Variants in PTPRG observed in about 807,000 individuals in gnomAD.
PTPRG encodes protein tyrosine phosphatase receptor type G.
PTPRG carries 102 observed loss-of-function variants against 165.3 expected under a neutral mutation model. The observed-to-expected ratio is 0.62, with a 90% CI of 0.53 to 0.73. The LOEUF is 0.73. PTPRG is among the 30% of genes least tolerant of loss of function. The pLI is 0.00. For missense variants in PTPRG, 1,866 were observed against 1,861.4 expected (o/e 1.00, Z -0.05); for synonymous variants, 675 against 669.5 (o/e 1.01, Z -0.13).
chr3:61,967,554 T>C (rs1335062368), intron 2 of PTPRG, among the ~76,000 whole-genome samples: 1 of 152,176 alleles, frequency 6.6e-6, no homozygotes, highest in Admixed American at 6.5e-5. Context: ...ATGTCTAAAT[T>C]CATTCCCTTA....
At chr3:61,993,659 A>G (rs2040952007) in intron 3 of PTPRG, among the ~76,000 whole-genome samples, 1 of 152,232 alleles carries the variant, frequency 6.6e-6, no homozygotes, top group African/African-American at 2.4e-5. Context: ...AAATTCATGT[A>G]TCATAAGCCA....
rs1205332320 is a variant in PTPRG at position 62,271,224 on chromosome 3, AATGGC to A, written c.3010-155_3010-151del. 6.6e-6 allele frequency among the ~76,000 whole-genome samples: 1 copy of A among 152,206 alleles called. No individual in the cohort carries two copies. The highest frequency in any genetic ancestry group is 1.5e-5 in the Non-Finnish European group (1 of 68,036). On this transcript the variant is annotated intron_variant, in intron 20 of 29. Coordinates refer to ENST00000474889, the MANE Select transcript of PTPRG (RefSeq NM_002841.4). The surrounding 1 kb of genome is among the most constrained non-coding windows in gnomAD (Gnocchi z 4.1). ...TCCAGCTTGGTAATGTCTCCAATTT[AATGGC>A]ATGAAAGTTGGCTACAAGGGGGAAT...
intron 2 of PTPRG, among the ~76,000 whole-genome samples, chr3:61,900,602 C>G (rs961381445): frequency 6.6e-6 from 1 of 152,212 alleles, no homozygotes; most frequent in African/African-American, 2.4e-5. Context: ...ACCACCCTGT[C>G]TCTAAGGCTA....
chr3:61,809,832 G>A (rs944660731), intron 2 of PTPRG, among the ~76,000 whole-genome samples: 1 of 152,176 alleles, frequency 6.6e-6, no homozygotes, highest in Non-Finnish European at 1.5e-5. Context: ...GAAGCTTTTT[G>A]AGCGGGTGCA....
intron 2 of PTPRG, among the ~76,000 whole-genome samples, chr3:61,796,779 A>G (rs2035058181): frequency 6.6e-6 from 1 of 151,982 alleles, no homozygotes; most frequent in African/African-American, 2.4e-5. Context: ...TGTTAACTTT[A>G]TTGTTTTTGT....
intron 1 of PTPRG, among the ~76,000 whole-genome samples, chr3:61,628,461 G>A (rs1701676883): frequency 6.6e-6 from 1 of 152,022 alleles, no homozygotes; most frequent in Non-Finnish European, 1.5e-5. Flanking sequence ...GACTACAGGT[G>A]TGCACCACCA....
chr3:61,977,997 A>G (rs1236481296), intron 2 of PTPRG, among the ~76,000 whole-genome samples: 1 of 152,202 alleles, frequency 6.6e-6, no homozygotes, highest in East Asian at 1.9e-4. Context: ...GATTGCAGGC[A>G]CCTGCCACCA....
rs564761041 is a variant in PTPRG, at chr3:62,166,197, C to CTTTTTTTTTTTTTTTTTTTTTTTTT, written c.841-1762_841-1738dup. On this transcript the variant is annotated intron_variant, in intron 7 of 29. Coordinates refer to ENST00000474889, the MANE Select transcript of PTPRG (RefSeq NM_002841.4). ...TGGCTGCATATTTCAAATTACAGTT[C>CTTTTTTTTTTTTTTTTTTTTTTTTT]TTTTTTTTTTTTTTTTTTTTTTTTT... Among the ~76,000 whole-genome samples the CTTTTTTTTTTTTTTTTTTTTTTTTT allele has an allele frequency of 7.4e-5, 4 of 53,932 alleles. 1 individual carries two copies. Among genetic ancestry groups the CTTTTTTTTTTTTTTTTTTTTTTTTT allele is most frequent in the Admixed American group, 2.3e-4 (1 of 4,334 alleles). The allele number at this position is 53,932 out of a possible 152,430, so 35.4% of individuals were successfully genotyped here. A position where few individuals can be genotyped will look rare whatever the true frequency, so the allele number is the denominator to read the frequency against.
At chr3:62,280,486 C>T (rs1217297603) in intron 26 of PTPRG, among the ~76,000 whole-genome samples, 1 of 152,008 alleles carries the variant, frequency 6.6e-6, no homozygotes, top group East Asian at 1.9e-4. Flanking sequence ...GATGCTCAAT[C>T]TCATTAATTT....
At position 62,163,068 on chromosome 3, in the gene PTPRG, G is replaced by A. The variant is rs557714967; in HGVS notation, c.841-4903G>A. Among the ~76,000 whole-genome samples, 495 of 152,234 alleles carry A rather than the reference G, an allele frequency of 3.3e-3. 2 individuals carry two copies. Among genetic ancestry groups the A allele is most frequent in the African/African-American group, 0.011 (473 of 41,542 alleles). On this transcript the variant is annotated intron_variant, in intron 7 of 29. Coordinates refer to ENST00000474889, the MANE Select transcript of PTPRG (RefSeq NM_002841.4). ...AAGGAAGAAGAGAGAGAAAGGGGAG[G>A]CGCTACACACTTTTAAACAACCAGA...
intron 5 of PTPRG, among the ~76,000 whole-genome samples, chr3:62,088,161 G>A (rs1183648143): frequency 2.0e-5 from 3 of 152,194 alleles, no homozygotes. Context: ...AACACTTTAG[G>A]TGTGTCAGGG....
In PTPRG at chr3:61,588,990, C is replaced by T. The variant is rs187448874; in HGVS notation, c.85+26618C>T. On this transcript the variant is annotated intron_variant, in intron 1 of 29. Transcript: ENST00000474889. Reference sequence around the variant, plus strand: ...ATAGCTTATAGGATTTCCTGTAAAACAGGGGTCAGCAAATCATAGCCTGGG... The same window carrying T: ...ATAGCTTATAGGATTTCCTGTAAAATAGGGGTCAGCAAATCATAGCCTGGG... Among the ~76,000 whole-genome samples the T allele has an allele frequency of 3.5e-3, 536 of 152,242 alleles. 5 individuals are homozygous for T. Among genetic ancestry groups the T allele is most frequent in the African/African-American group, 0.012 (519 of 41,556 alleles).
At chr3:61,951,921 C>T (rs1363632007) in intron 2 of PTPRG, among the ~76,000 whole-genome samples, 3 of 152,034 alleles carry the variant, frequency 2.0e-5, no homozygotes, top group Non-Finnish European at 4.4e-5. Flanking sequence ...AGATCAAGAC[C>T]ATCCTGGCCA....
At chr3:62,114,236 T>A (rs989027700) in intron 5 of PTPRG, among the ~76,000 whole-genome samples, 8 of 151,988 alleles carry the variant, frequency 5.3e-5, no homozygotes, top group African/African-American at 1.9e-4. Context: ...GAGGCGGAGG[T>A]TGTAGTGAGC....
At chr3:62,012,146 C>A (rs1282766718) in intron 4 of PTPRG, among the ~76,000 whole-genome samples, 1 of 152,170 alleles carries the variant, frequency 6.6e-6, no homozygotes, top group East Asian at 1.9e-4. Flanking sequence ...CAGGCACTTT[C>A]TAGATGTTTC....
chr3:61,625,178 A>G (rs1248530156), intron 1 of PTPRG, among the ~76,000 whole-genome samples: 2 of 151,862 alleles, frequency 1.3e-5, no homozygotes. Context: ...AAGTAAGGTC[A>G]CATTCGGAGA....
intron 3 of PTPRG, among the ~76,000 whole-genome samples, chr3:61,990,521 A>G (rs1487985453): frequency 6.6e-6 from 1 of 152,134 alleles, no homozygotes; most frequent in African/African-American, 2.4e-5. Context: ...CTCCCTCTCA[A>G]TTACTGTTGT....
At chr3:61,957,153 T>C (rs979625251) in intron 2 of PTPRG, among the ~76,000 whole-genome samples, 1 of 152,196 alleles carries the variant, frequency 6.6e-6, no homozygotes, top group African/African-American at 2.4e-5. Flanking sequence ...TGAGAATTAA[T>C]GCTAAATTAA....
Position 61,706,059 on chromosome 3 carries a change from A to G in PTPRG, c.86-42819A>G, listed in dbSNP as rs563301345. ...TGTCCTCCCCACTTCGGGTCTGCAG[A>G]AAAATGATTGATTATGAGGAATGTG... On this transcript the variant is annotated intron_variant, in intron 1 of 29. Transcript: ENST00000474889. Among the ~76,000 whole-genome samples the G allele has an allele frequency of 9.2e-5, 14 of 152,320 alleles. No homozygotes were observed. In the South Asian group the frequency reaches 2.9e-3, roughly 32 times the overall value.
Sources: gnomAD v4.1 joint callset for allele counts (sites outside exome capture counted in the v4.1 genomes callset) on GRCh38, gnomAD v4.1.1 for gene constraint, Gnocchi (gnomAD v3.1) non-coding constraint, MANE v1.5 for transcripts, NCBI Gene and HGNC (gene_info 2026-07-23, HGNC 2026-07-21) for gene names.